The following ESYT2 variants were observed in gnomAD, a reference collection of about 807,000 sequenced individuals.
ESYT2 encodes extended synaptotagmin-2.
ESYT2 carries 54 observed loss-of-function variants against 107.2 expected under a neutral mutation model. That is an observed-to-expected ratio of 0.50 (90% CI 0.40 to 0.63). The LOEUF (loss-of-function observed/expected upper bound fraction) is 0.63, where lower values mean the gene tolerates loss of function less well. Ranked by LOEUF, ESYT2 falls within the 30% of genes least tolerant of loss-of-function variation. ESYT2 has a pLI of 0.00. For synonymous variants in ESYT2, 491 were observed against 434.1 expected (o/e 1.13, Z -1.63); for missense variants, 1,020 against 1,094.5 (o/e 0.93, Z 0.96).
intron 1 of ESYT2, among the ~76,000 whole-genome samples, chr7:158,807,292 A>T (rs1285131180): frequency 6.7e-6 from 1 of 149,728 alleles, no homozygotes; most frequent in Non-Finnish European, 1.5e-5. Flanking sequence ...AAGTGACTGG[A>T]ATACTAAAAA....
intron 7 of ESYT2, among the ~76,000 whole-genome samples, chr7:158,772,602 T>C (rs1321522028): frequency 2.6e-5 from 4 of 152,182 alleles, no homozygotes; most frequent in Admixed American, 2.6e-4. Context: ...TATTTGGAGG[T>C]GACCAACAGG....
intron 1 of ESYT2, among the ~76,000 whole-genome samples, chr7:158,828,746 G>C (rs998743874): frequency 6.6e-5 from 10 of 152,110 alleles, no homozygotes; most frequent in Non-Finnish European, 1.3e-4. Flanking sequence ...CAGGGAGTGG[G>C]CCGGAGGCCG....
chr7:158,802,463 T>C (rs942221805), intron 1 of ESYT2, among the ~76,000 whole-genome samples: 6 of 152,198 alleles, frequency 3.9e-5, no homozygotes, highest in Non-Finnish European at 8.8e-5. Context: ...GTAGTTTTAG[T>C]AGAGACAGGG....
chr7:158,741,200 G>A (rs78357128), intron 18 of ESYT2, among the ~76,000 whole-genome samples: 6,175 of 152,310 alleles, frequency 0.041, 169 homozygotes, highest in Middle Eastern at 0.078. Context: ...CCAGCTCTGC[G>A]TCTGTCTTCC....
At chr7:158,825,944 G>A (rs1840426144) in intron 1 of ESYT2, among the ~76,000 whole-genome samples, 1 of 151,614 alleles carries the variant, frequency 6.6e-6, no homozygotes, top group African/African-American at 2.4e-5. Flanking sequence ...CCACACTTTA[G>A]GAAGTCTAAG....
At chr7:158,736,856 G>A (rs1836973759) in intron 20 of ESYT2, among the ~76,000 whole-genome samples, 192 bp downstream of exon 20, 3 of 152,086 alleles carry the variant, frequency 2.0e-5, no homozygotes, top group African/African-American at 7.2e-5. Flanking sequence ...TGAATTTACT[G>A]TATTTAGAGC....
chr7:158,760,251 G>A (rs1837912786), intron 11 of ESYT2, 104 bp from the exon 12 acceptor site: 6 of 978,756 alleles, frequency 6.1e-6, no homozygotes, highest in Non-Finnish European at 9.5e-6. Context: ...TAACCACGAG[G>A]CATCAACAGT....
At chr7:158,825,856 C>G (rs1840424249) in intron 1 of ESYT2, among the ~76,000 whole-genome samples, 1 of 152,002 alleles carries the variant, frequency 6.6e-6, no homozygotes, top group African/African-American at 2.4e-5. Context: ...TTCAGAAACC[C>G]CAAGCACCAA....
intron 21 of ESYT2, 67 bp downstream of exon 21, chr7:158,735,436 T>G (rs1178222412): frequency 8.3e-6 from 11 of 1,333,274 alleles, no homozygotes; most frequent in Non-Finnish European, 9.7e-6. Flanking sequence ...GTCTAAACAC[T>G]GCACTGCAGG....
rs1457280115 is a variant in ESYT2 at position 158,797,019 on chromosome 7, CTGCAGG to C, written c.507+917_507+922del. Among the ~76,000 whole-genome samples the C allele has an allele frequency of 4.1e-3, 36 of 8,770 alleles. 1 individual carries two copies. Among genetic ancestry groups the C allele is most frequent in the African/African-American group, 7.6e-3 (32 of 4,210 alleles). The allele number at this position is 8,770 out of a possible 152,430, so 5.8% of individuals were successfully genotyped here. ...GCCTCCCGACAGACGGGAAAGGGCA[CTGCAGG>C]CGAGAGGGCAGCAGGACAGCCTCCC... On this transcript the variant is annotated intron_variant, in intron 3 of 22. Coordinates refer to ENST00000275418, the MANE Select transcript of ESYT2 (RefSeq NM_001367773.1).
chr7:158,780,849 G>A (rs990797856), intron 6 of ESYT2, among the ~76,000 whole-genome samples: 26 of 152,246 alleles, frequency 1.7e-4, no homozygotes, highest in African/African-American at 5.8e-4. Flanking sequence ...CCTGAGCACA[G>A]GGAATGGTGA....
intron 7 of ESYT2, among the ~76,000 whole-genome samples, chr7:158,771,964 T>TA (rs1261542668): frequency 4.6e-5 from 7 of 151,286 alleles, no homozygotes; most frequent in Non-Finnish European, 8.8e-5. Flanking sequence ...ACTAAAAAAA[T>TA]ACAAAAATTA....
At position 158,799,233 on chromosome 7, in the gene ESYT2, A is replaced by T. The variant is rs573853832; in HGVS notation, c.331-161T>A. The stretch of plus-strand genomic sequence containing the variant: ...TGGGAAACTGGTCTCCAAGGAGGGA[A>T]AGTGAAATGCATGGCACCCCAGCTC... On this transcript the variant is annotated intron_variant, in intron 1 of 22. Transcript: ENST00000275418. 1.7e-4 allele frequency among the ~76,000 whole-genome samples: 26 copies of T among 152,340 alleles called. No individual in the cohort carries two copies. In the East Asian group the frequency reaches 2.1e-3, roughly 12 times the overall value.
chr7:158,741,585 G>A lies in ESYT2; in HGVS notation c.2106C>T (p.Ala702=). 6.2e-7 allele frequency: 1 copy of A among 1,610,290 alleles called. No individual in the cohort carries two copies. Among genetic ancestry groups the A allele is most frequent in the Non-Finnish European group, 8.5e-7 (1 of 1,179,900 alleles). ...TGGCGATGGGCAGCGAGATGTCCGAGGCGATGCTGGGGGTCGGCTCCTTGA... is the reference window on the plus strand; with the variant it reads ...TGGCGATGGGCAGCGAGATGTCCGAAGCGATGCTGGGGGTCGGCTCCTTGA... The part of the protein sequence containing the change: ...ISVKEPTPSI[A]SDISLPIATQ... Residue 702 remains alanine, a synonymous_variant, in exon 18 of 23, where the codon GCC becomes GCT. Coordinates refer to ENST00000275418, the MANE Select transcript of ESYT2 (RefSeq NM_001367773.1).
At chr7:158,787,392 C>T (rs1274341550) in intron 6 of ESYT2, among the ~76,000 whole-genome samples, 2 of 152,134 alleles carry the variant, frequency 1.3e-5, no homozygotes, top group African/African-American at 4.8e-5. Context: ...CAAGCATCTC[C>T]GATAACATTC....
intron 4 of ESYT2, among the ~76,000 whole-genome samples, chr7:158,792,403 C>T (rs1310529733): frequency 6.6e-6 from 1 of 151,400 alleles, no homozygotes; most frequent in Admixed American, 6.6e-5. Flanking sequence ...TGGCATGCAC[C>T]TGTAGTCTCA....
At chr7:158,748,371 A>G (rs1295523738) in intron 15 of ESYT2, 91 bp from the exon 16 acceptor site, 2 of 1,054,974 alleles carry the variant, frequency 1.9e-6, no homozygotes, top group Non-Finnish European at 2.8e-6. Flanking sequence ...ATGAAAAATA[A>G]AAAGAAAATA....
chr7:158,735,835 G>A (rs1419164341), intron 20 of ESYT2, among the ~76,000 whole-genome samples: 1 of 152,126 alleles, frequency 6.6e-6, no homozygotes. Flanking sequence ...TCCCATAGAT[G>A]TCTGGGTCCC....
intron 1 of ESYT2, among the ~76,000 whole-genome samples, chr7:158,821,987 A>G (rs1183020564): frequency 6.6e-6 from 1 of 152,032 alleles, no homozygotes. Flanking sequence ...TGGAGCCATC[A>G]CCACAGCCCG....
Sources: allele counts gnomAD v4.1 joint callset (sites outside exome capture counted in the v4.1 genomes callset), GRCh38; gene constraint gnomAD v4.1.1; transcripts MANE v1.5; gene names NCBI Gene and HGNC (gene_info 2026-07-23, HGNC 2026-07-21).